Variants in ACSM3 observed in about 807,000 individuals in gnomAD.
ACSM3 encodes the protein acyl-CoA synthetase medium chain family member 3.
ACSM3 carries 61 observed loss-of-function variants against 74.1 expected under a neutral mutation model. That is an observed-to-expected ratio of 0.82 (90% CI 0.67 to 1.02). The LOEUF is 1.02. ACSM3 is among the 50% of genes least tolerant of loss of function. ACSM3 has a pLI of 0.00. For missense variants in ACSM3, 660 were observed against 697.0 expected (o/e 0.95, Z 0.60); for synonymous variants, 213 against 241.5 (o/e 0.88, Z 1.09).
intron 1 of ACSM3, among the ~76,000 whole-genome samples, chr16:20,727,733 T>G (rs958117637): frequency 6.6e-6 from 1 of 152,196 alleles, no homozygotes; most frequent in African/African-American, 2.4e-5. Context: ...GGCTCAGAAC[T>G]GAGCAGCTCA....
intron 1 of ACSM3, among the ~76,000 whole-genome samples, chr16:20,697,220 G>A (rs2079694463): frequency 6.6e-6 from 1 of 152,098 alleles, no homozygotes; most frequent in African/African-American, 2.4e-5. Context: ...CCACAGGCAT[G>A]TATTACTATG....
In ACSM3 at chr16:20,725,187, T is replaced by C. The variant is rs555604059; in HGVS notation, c.-189-24723T>C. The stretch of plus-strand genomic sequence containing the variant: ...TGGTACTGGTACCAAAACAGAGATA[T>C]AGACCAATGGAACAGAACAGAGCCC... On this transcript the variant is annotated intron_variant, in intron 1 of 3. Transcript: ENST00000561584. Among the ~76,000 whole-genome samples the C allele has an allele frequency of 5.3e-5, 8 of 152,286 alleles. No individual in the cohort carries two copies. The South Asian group carries it at 1.4e-3, about 28-fold the overall frequency.
intron 1 of ACSM3, among the ~76,000 whole-genome samples, chr16:20,692,607 C>G (rs983001203): frequency 6.6e-6 from 1 of 152,046 alleles, no homozygotes; most frequent in Admixed American, 6.5e-5. Flanking sequence ...TCTCCTGGAT[C>G]TGGGAAGGAA....
At chr16:20,741,635 CCCGCCAGCGT>C in intron 1 of ACSM3, 2 of 1,580,080 alleles carry the variant, frequency 1.3e-6, no homozygotes, top group Non-Finnish European at 1.7e-6. Context: ...GCTGACGGGG[CCCGCCAGCGT>C]CGCAGCGCCG....
At chr16:20,742,497 G>C (rs1168604281) in intron 1 of ACSM3, among the ~76,000 whole-genome samples, 2 of 152,130 alleles carry the variant, frequency 1.3e-5, no homozygotes, top group African/African-American at 4.8e-5. Context: ...CAAAAAATTA[G>C]CCAGGCGTGG....
At chr16:20,694,932 C>T (rs2079681575) in intron 1 of ACSM3, among the ~76,000 whole-genome samples, 1 of 152,154 alleles carries the variant, frequency 6.6e-6, no homozygotes, top group African/African-American at 2.4e-5. Context: ...AAAAAGACCT[C>T]AGAGAAAACC....
At chr16:20,678,561 TC>T (rs2079363272) in intron 1 of ACSM3, among the ~76,000 whole-genome samples, 1 of 152,198 alleles carries the variant, frequency 6.6e-6, no homozygotes, top group South Asian at 2.1e-4. Context: ...GTCAAGGCCT[TC>T]CTCACCGGGA....
intron 9 of ACSM3, among the ~76,000 whole-genome samples, chr16:20,787,608 G>A (rs988721686): frequency 1.3e-5 from 2 of 152,222 alleles, no homozygotes. Context: ...GATCAAATAA[G>A]TTTGAGAGAG....
rs55684501 is a variant in ACSM3, at chr16:20,683,715, CTCTT to C, written c.-190+8915_-190+8918del. Among the ~76,000 whole-genome samples, 61 of 136,384 alleles carry C rather than the reference CTCTT, an allele frequency of 4.5e-4. 1 individual carries two copies. The highest frequency in any genetic ancestry group is 7.3e-3 in the Middle Eastern group (2 of 274). The allele number at this position is 136,384 out of a possible 152,430, so 89.5% of individuals were successfully genotyped here. A position where few individuals can be genotyped will look rare whatever the true frequency, so the allele number is the denominator to read the frequency against. On this transcript the variant is annotated intron_variant, in intron 1 of 3. Coordinates refer to the ACSM3 transcript ENST00000561584. ...TCTTTCTTTCTTTCTCTCTCTCTCT[CTCTT>C]TCTTTCTTTCTTTCTTTCTTTTTGT...
Position 20,790,629 on chromosome 16 carries a change from G to A in ACSM3, c.1267G>A (p.Gly423Arg). The part of the protein sequence containing the change: ...NGNVLPPGQE[G>R]DIGIQVLPNR... ...CAATGTTCTACCTCCTGGACAAGAA[G>A]GAGATATTGGCATTCAAGTTCTACC... Residue 423 changes from glycine to arginine, a missense_variant, in exon 10 of 14, where the codon GGA becomes AGA. Gly to Arg is a moderately radical substitution (Grantham distance 125). Coordinates refer to ENST00000289416, the MANE Select transcript of ACSM3 (RefSeq NM_005622.4). The surrounding 1 kb of genome is among the most constrained non-coding windows in gnomAD (Gnocchi z 4.0). The A allele has an allele frequency of 2.5e-6, 4 of 1,614,094 alleles. No homozygotes were observed. The highest frequency in any genetic ancestry group is 3.4e-6 in the Non-Finnish European group (4 of 1,179,996).
At chr16:20,743,159 C>T (rs2079943074) in intron 1 of ACSM3, among the ~76,000 whole-genome samples, 1 of 152,002 alleles carries the variant, frequency 6.6e-6, no homozygotes, top group Non-Finnish European at 1.5e-5. Context: ...AGGATGGTCT[C>T]AATCTCCTGA....
At chr16:20,676,465 A>G (rs1432947631) in intron 1 of ACSM3, among the ~76,000 whole-genome samples, 2 of 152,222 alleles carry the variant, frequency 1.3e-5, no homozygotes, top group African/African-American at 4.8e-5. Context: ...GCTGAAAATC[A>G]GTGCATGGTG....
chr16:20,681,424 G>T (rs545872379), intron 1 of ACSM3: 1 of 152,276 alleles, frequency 6.6e-6, no homozygotes, highest in African/African-American at 2.4e-5. Flanking sequence ...GGTCCTAATG[G>T]TCCCTGGATT....
intron 9 of ACSM3, chr16:20,789,660 A>T: frequency 7.0e-6 from 5 of 719,088 alleles, no homozygotes; most frequent in Non-Finnish European, 1.2e-5. Flanking sequence ...GCAAAACTGT[A>T]TATTATAAAG....
At chr16:20,754,578 AC>A (rs1401454738) in intron 2 of ACSM3, among the ~76,000 whole-genome samples, 1 of 151,408 alleles carries the variant, frequency 6.6e-6, no homozygotes, top group African/African-American at 2.4e-5. Flanking sequence ...CCCTATAAAC[AC>A]CCTCCCTTTG....
intron 1 of ACSM3, chr16:20,736,839 A>AG: frequency 6.3e-7 from 1 of 1,587,294 alleles, no homozygotes; most frequent in East Asian, 2.2e-5. Flanking sequence ...CATCTCGTAG[A>AG]GCCCCAGGTG....
At chr16:20,704,585 C>T (rs1316642242) in intron 1 of ACSM3, among the ~76,000 whole-genome samples, 4 of 152,114 alleles carry the variant, frequency 2.6e-5, no homozygotes, top group Admixed American at 2.0e-4. Context: ...GCTTAAATCT[C>T]GAATACTGAT....
intron 1 of ACSM3, chr16:20,764,791 G>T (rs1596506816): frequency 6.6e-6 from 1 of 152,184 alleles, no homozygotes; most frequent in South Asian, 2.1e-4. Flanking sequence ...CTTGCTCAGT[G>T]ACAGATGGGA....
chr16:20,756,775 G>T (rs1446728561), intron 3 of ACSM3, among the ~76,000 whole-genome samples: 1 of 152,154 alleles, frequency 6.6e-6, no homozygotes. Flanking sequence ...TAGGTCTAAC[G>T]TTTAAGTCTT....
Sources: gnomAD v4.1 joint callset for allele counts (sites outside exome capture counted in the v4.1 genomes callset) on GRCh38, gnomAD v4.1.1 for gene constraint, Gnocchi (gnomAD v3.1) non-coding constraint, MANE v1.5 for transcripts, NCBI Gene and HGNC (gene_info 2026-07-23, HGNC 2026-07-21) for gene names.